The following ZNF521 variants were observed in gnomAD, a reference collection of about 807,000 sequenced individuals.
The protein encoded by ZNF521 is LYST-interacting protein 3.
In ZNF521, 14 loss-of-function variants were observed where a neutral mutation model predicts 105.5. The observed-to-expected ratio is 0.13, with a 90% CI of 0.09 to 0.21. The LOEUF is 0.21. Among genes scored for constraint, ZNF521 ranks in the 10% least tolerant of loss-of-function variants. The pLI is 1.00. For synonymous variants in ZNF521, 635 were observed against 606.0 expected, an observed-to-expected ratio of 1.05 and a Z score of -0.70; for missense variants, 1,233 against 1,629.7, an observed-to-expected ratio of 0.76 and a Z score of 4.19.
intron 4 of ZNF521, among the ~76,000 whole-genome samples, chr18:25,217,648 T>C (rs12608363): frequency 6.6e-6 from 1 of 152,170 alleles, no homozygotes; most frequent in Non-Finnish European, 1.5e-5. Flanking sequence ...TCAAGCTCCA[T>C]GGCATGATAC....
At chr18:25,196,594 T>C (rs75714863) in intron 4 of ZNF521, among the ~76,000 whole-genome samples, 1,884 of 151,768 alleles carry the variant, frequency 0.012, 47 homozygotes, top group African/African-American at 0.043. Context: ...GTCTAAATCA[T>C]CTGACGGTCT....
At chr18:25,157,827 T>C (rs1004064766) in intron 5 of ZNF521, among the ~76,000 whole-genome samples, 1 of 152,060 alleles carries the variant, frequency 6.6e-6, no homozygotes, top group African/African-American at 2.4e-5. Context: ...GTTGGCTCAC[T>C]GCAAGCTCTG....
At chr18:25,088,731 T>A (rs1030014613) in intron 7 of ZNF521, among the ~76,000 whole-genome samples, 2 of 152,076 alleles carry the variant, frequency 1.3e-5, no homozygotes, top group Admixed American at 6.5e-5. Context: ...TCATTTTTTT[T>A]AAACTACCAG....
chr18:25,188,994 T>A (rs2035773704), intron 5 of ZNF521, among the ~76,000 whole-genome samples: 1 of 152,226 alleles, frequency 6.6e-6, no homozygotes, highest in Admixed American at 6.5e-5. Context: ...GTATTTTTTA[T>A]TCTTGTAAAT....
intron 7 of ZNF521, among the ~76,000 whole-genome samples, chr18:25,076,432 A>G: frequency 6.6e-6 from 1 of 152,180 alleles, no homozygotes; most frequent in East Asian, 1.9e-4. Context: ...TTGCAGGATG[A>G]TAGGAGTCAT....
chr18:25,306,797 G>A (rs1195676333), intron 3 of ZNF521, among the ~76,000 whole-genome samples: 2 of 151,324 alleles, frequency 1.3e-5, no homozygotes, highest in Non-Finnish European at 2.9e-5. Flanking sequence ...AAAAATTGGA[G>A]TAAGGCTGGA....
chr18:25,223,327 C>T (rs991134617), intron 4 of ZNF521, among the ~76,000 whole-genome samples: 4 of 152,178 alleles, frequency 2.6e-5, no homozygotes, highest in Admixed American at 6.5e-5. Flanking sequence ...TGAGGCCAGG[C>T]TCTGTCTCAG....
At chr18:25,094,302 T>C (rs1481286899) in intron 5 of ZNF521, among the ~76,000 whole-genome samples, 2 of 152,236 alleles carry the variant, frequency 1.3e-5, no homozygotes, top group Non-Finnish European at 2.9e-5. Context: ...AAATAAGACA[T>C]ATGTGTATGA....
chr18:25,275,286 G>A (rs1044433235), intron 3 of ZNF521, among the ~76,000 whole-genome samples: 3 of 152,070 alleles, frequency 2.0e-5, no homozygotes, highest in Non-Finnish European at 4.4e-5. Flanking sequence ...AACTTATGGC[G>A]CAAAAATTTT....
intron 3 of ZNF521, among the ~76,000 whole-genome samples, chr18:25,284,582 A>G (rs1910579862): frequency 6.6e-6 from 1 of 152,200 alleles, no homozygotes. Context: ...AGAGAGGCAG[A>G]GTCATAGGCA....
intron 5 of ZNF521, among the ~76,000 whole-genome samples, chr18:25,172,259 C>G (rs2035462027): frequency 6.6e-6 from 1 of 152,092 alleles, no homozygotes; most frequent in African/African-American, 2.4e-5. Flanking sequence ...TAAAATGCTG[C>G]TTGTGGCTCT....
At chr18:25,229,581 C>T (rs1906406259) in intron 3 of ZNF521, among the ~76,000 whole-genome samples, 1 of 151,988 alleles carries the variant, frequency 6.6e-6, no homozygotes, top group Non-Finnish European at 1.5e-5. Flanking sequence ...CAATAATGAT[C>T]TAGTTTTCCC....
chr18:25,233,823 C>T (rs1906697394), intron 3 of ZNF521, among the ~76,000 whole-genome samples: 1 of 152,162 alleles, frequency 6.6e-6, no homozygotes, highest in South Asian at 2.1e-4. Flanking sequence ...TTCATCCATT[C>T]TTTCACCAGA....
chr18:25,134,674 G>A (rs2034700700), intron 5 of ZNF521, among the ~76,000 whole-genome samples: 2 of 152,064 alleles, frequency 1.3e-5, no homozygotes, highest in South Asian at 4.2e-4. Flanking sequence ...TCCCAATCTG[G>A]ACTAAGACTG....
At chr18:25,331,523 T>C (rs1162036900) in intron 2 of ZNF521, among the ~76,000 whole-genome samples, 2 of 152,200 alleles carry the variant, frequency 1.3e-5, no homozygotes, top group African/African-American at 4.8e-5. Flanking sequence ...TAAGTCTATG[T>C]AGTCTTAGTA....
At chr18:25,102,125 A>G (rs189706902) in intron 5 of ZNF521, among the ~76,000 whole-genome samples, 58 of 152,296 alleles carry the variant, frequency 3.8e-4, no homozygotes, top group Admixed American at 3.5e-3. Flanking sequence ...AAACTACTAT[A>G]AAGCAATTAA....
chr18:25,205,961 G>A (rs1398488862), intron 4 of ZNF521, among the ~76,000 whole-genome samples: 1 of 151,850 alleles, frequency 6.6e-6, no homozygotes, highest in Non-Finnish European at 1.5e-5. Flanking sequence ...GCTCTTTAAG[G>A]CTAGGTAGAA....
chr18:25,199,197 C>T (rs1216194113), intron 4 of ZNF521, among the ~76,000 whole-genome samples: 1 of 151,610 alleles, frequency 6.6e-6, no homozygotes, highest in Non-Finnish European at 1.5e-5. Context: ...GAGAAATGGC[C>T]TGTTGTCTTT....
intron 5 of ZNF521, among the ~76,000 whole-genome samples, chr18:25,129,948 A>G (rs2034610058): frequency 6.6e-6 from 1 of 152,194 alleles, no homozygotes; most frequent in South Asian, 2.1e-4. Flanking sequence ...AAAGCTAAGC[A>G]TAATATTAAC....
Sources: gnomAD v4.1 joint callset for allele counts (sites outside exome capture counted in the v4.1 genomes callset) on GRCh38, gnomAD v4.1.1 for gene constraint, MANE v1.5 for transcripts, NCBI Gene and HGNC (gene_info 2026-07-23, HGNC 2026-07-21) for gene names.